Variants in AHCY observed in about 807,000 individuals in gnomAD.
The protein encoded by AHCY is S-adenosyl-L-homocysteine hydrolase.
AHCY carries 24 observed loss-of-function variants against 45.4 expected under a neutral mutation model. That is an observed-to-expected ratio of 0.53 (90% CI 0.38 to 0.74). The LOEUF (loss-of-function observed/expected upper bound fraction) is 0.74. AHCY is among the 30% of genes least tolerant of loss of function. AHCY has a pLI of 0.00. For missense variants in AHCY, 449 were observed against 594.1 expected, an observed-to-expected ratio of 0.76 and a Z score of 2.54; for synonymous variants, 245 against 235.1, an observed-to-expected ratio of 1.04 and a Z score of -0.39.
intron 8 of AHCY, among the ~76,000 whole-genome samples, chr20:34,289,099 G>A (rs1181455299): frequency 6.4e-4 from 97 of 152,040 alleles, no homozygotes; most frequent in Non-Finnish European, 1.5e-4. Context: ...TGCCTACCAC[G>A]TTTAAGCGAT....
chr20:34,294,749 C>T (rs570603577), intron 2 of AHCY, among the ~76,000 whole-genome samples: 1 of 152,316 alleles, frequency 6.6e-6, no homozygotes, highest in South Asian at 2.1e-4. Context: ...AACGCCCCCG[C>T]TCCTGGATAT....
downstream of AHCY, among the ~76,000 whole-genome samples, chr20:34,279,148 C>T (rs915609291): frequency 4.1e-5 from 6 of 147,750 alleles, no homozygotes; most frequent in African/African-American, 1.5e-4. Flanking sequence ...GGCACGGTGG[C>T]TCACGCTTCT....
chr20:34,264,205 G>T, the AHCY span, among the ~76,000 whole-genome samples: 1 of 152,014 alleles, frequency 6.6e-6, no homozygotes, highest in Non-Finnish European at 1.5e-5. Flanking sequence ...ATTCAAAATA[G>T]AAAGAAAATA....
intron 9 of AHCY, among the ~76,000 whole-genome samples, chr20:34,282,106 C>A (rs1010114739): frequency 6.6e-6 from 1 of 152,208 alleles, no homozygotes; most frequent in African/African-American, 2.4e-5. Flanking sequence ...CGCCTCCCCC[C>A]ACCCCACCGA....
At chr20:34,286,520 C>A (rs1362216009) in intron 8 of AHCY, 1 of 152,206 alleles carries the variant, frequency 6.6e-6, no homozygotes, top group Admixed American at 6.5e-5. Context: ...ATTGGAATCA[C>A]CTCAGAAGCT....
In AHCY at chr20:34,292,371, C is replaced by T. The variant is rs1279254418; in HGVS notation, c.432G>A (p.Pro144=). ...DLTNLIHTKY[P]QLLPGIRGIS... ...CGCCCTGCTCACCTGGCAGAAGCTG[C>T]GGGTACTTGGTGTGGATGAGGTTGG... The change falls in exon 4 of 10, where the codon CCG becomes CCA. Residue 144 remains proline (P), a synonymous_variant. Coordinates refer to ENST00000217426, the MANE Select transcript of AHCY (RefSeq NM_000687.4). 1.1e-5 allele frequency: 18 copies of T among 1,613,138 alleles called. No homozygotes were observed. Among genetic ancestry groups the T allele is most frequent in the South Asian group, 2.2e-5 (2 of 91,014 alleles).
At chr20:34,263,150 T>C in the AHCY span, among the ~76,000 whole-genome samples, 10 of 152,316 alleles carry the variant, frequency 6.6e-5, no homozygotes, top group African/African-American at 2.2e-4. Context: ...CTGCCTGAAA[T>C]TTCACCATCA....
the AHCY span, among the ~76,000 whole-genome samples, chr20:34,240,664 T>C: frequency 6.6e-6 from 1 of 152,156 alleles, no homozygotes; most frequent in Non-Finnish European, 1.5e-5. Flanking sequence ...CACCCGGAAT[T>C]TCTGAAACAA....
At chr20:34,294,427 G>A (rs1233783795) in intron 2 of AHCY, among the ~76,000 whole-genome samples, 1 of 152,210 alleles carries the variant, frequency 6.6e-6, no homozygotes, top group Non-Finnish European at 1.5e-5. Flanking sequence ...TGTTGGAGAA[G>A]ACTCCAGACA....
intron 1 of AHCY, among the ~76,000 whole-genome samples, chr20:34,310,962 C>T (rs1238563231): frequency 6.6e-6 from 1 of 151,618 alleles, no homozygotes; most frequent in East Asian, 1.9e-4. Flanking sequence ...CCCATCTCTA[C>T]TAAAAATACA....
chr20:34,249,323 C>T, the AHCY span, among the ~76,000 whole-genome samples: 1 of 150,382 alleles, frequency 6.6e-6, no homozygotes, highest in African/African-American at 2.5e-5. Flanking sequence ...AATCCCCTAT[C>T]TCCTCGCCTC....
chr20:34,260,440 C>G, the AHCY span: 1 of 1,614,164 alleles, frequency 6.2e-7, no homozygotes, highest in Non-Finnish European at 8.5e-7. Context: ...CTGCCAACAG[C>G]CACCTGCCAC....
At chr20:34,264,789 ATT>A in the AHCY span, among the ~76,000 whole-genome samples, 9 of 104,200 alleles carry the variant, frequency 8.6e-5, no homozygotes, top group East Asian at 2.8e-4. Context: ...AGTTTACTTC[ATT>A]TTTTTTTTTT....
Position 34,295,273 on chromosome 20 carries a change from AC to A in AHCY, c.219+121del, listed in dbSNP as rs2036534614. On this transcript the variant is annotated intron_variant, in intron 2 of 9. Coordinates refer to ENST00000217426, the MANE Select transcript of AHCY (RefSeq NM_000687.4). ...GGAGGAAACCGAGTGAGAGGGAGGA[AC>A]CCCTCCAGGCCCGCGGTCAGCTCCA... 2.5e-6 allele frequency: 3 copies of A among 1,183,908 alleles called. No individual in the cohort carries two copies. The East Asian group carries it at 7.6e-5, about 30-fold the overall frequency. The allele number at this position is 1,183,908 out of a possible 1,614,324, so 73.3% of individuals were successfully genotyped here. A position where few individuals can be genotyped will look rare whatever the true frequency, so the allele number is the denominator to read the frequency against.
chr20:34,246,547 C>T, the AHCY span: 1 of 941,850 alleles, frequency 1.1e-6, no homozygotes, highest in African/African-American at 1.6e-5. Flanking sequence ...CTCACTGCAA[C>T]CTCTGCCTCC....
At chr20:34,301,694 TA>T in intron 1 of AHCY, 1 of 586,602 alleles carries the variant, frequency 1.7e-6, no homozygotes, top group Non-Finnish European at 2.1e-6. Flanking sequence ...CCTGACCCAC[TA>T]ATCTCTCCAC....
At chr20:34,270,359 A>G in the AHCY span, among the ~76,000 whole-genome samples, 1 of 152,198 alleles carries the variant, frequency 6.6e-6, no homozygotes, top group African/African-American at 2.4e-5. Flanking sequence ...ACACCCCCAC[A>G]CAGGAAAGCT....
At chr20:34,255,071 T>G in the AHCY span, among the ~76,000 whole-genome samples, 1 of 152,124 alleles carries the variant, frequency 6.6e-6, no homozygotes, top group Non-Finnish European at 1.5e-5. Context: ...TGAATAGTGT[T>G]TACATTAGGC....
the AHCY span, among the ~76,000 whole-genome samples, chr20:34,259,507 T>C: frequency 2.8e-4 from 43 of 151,646 alleles, no homozygotes; most frequent in Middle Eastern, 3.4e-3. Context: ...AGCAAGACTC[T>C]GTCTCAAAAA....
Sources: gnomAD v4.1 joint callset for allele counts (sites outside exome capture counted in the v4.1 genomes callset) on GRCh38, gnomAD v4.1.1 for gene constraint, MANE v1.5 for transcripts, NCBI Gene and HGNC (gene_info 2026-07-23, HGNC 2026-07-21) for gene names.